Variants in GNAL observed in about 807,000 individuals in gnomAD.
The protein encoded by GNAL is G protein subunit alpha L.
A neutral mutation model predicts 55.1 loss-of-function variants in GNAL; 18 were observed. The ratio of observed to expected loss-of-function variants is 0.33; its 90% CI spans 0.23 to 0.48. The LOEUF (loss-of-function observed/expected upper bound fraction) is 0.48. GNAL is among the 20% of genes least tolerant of loss of function. GNAL has a pLI of 0.99. For synonymous variants in GNAL, 253 were observed against 237.0 expected, an observed-to-expected ratio of 1.07 and a Z score of -0.62; for missense variants, 412 against 614.1, an observed-to-expected ratio of 0.67 and a Z score of 3.48.
At position 11,787,676 on chromosome 18, in the gene GNAL, C is replaced by T. The variant is rs1480785758; in HGVS notation, c.624+33731C>T. ...GATCACGAGGTCAGGAGATCGAGAC[C>T]ATCCTGGCTAACACAGTGAAACCCC... On this transcript the variant is annotated intron_variant, in intron 4 of 11. Transcript: ENST00000334049. Among the ~76,000 whole-genome samples, 3 of 152,118 alleles carry T rather than the reference C, an allele frequency of 2.0e-5. No individual in the cohort carries two copies. The South Asian group carries it at 6.2e-4, about 32-fold the overall frequency.
At chr18:11,809,667 A>G (rs1428357964) in intron 4 of GNAL, among the ~76,000 whole-genome samples, 1 of 152,200 alleles carries the variant, frequency 6.6e-6, no homozygotes, top group East Asian at 1.9e-4. Flanking sequence ...CACAAGGCAA[A>G]GGTTGCAGTG....
chr18:11,851,789 C>T (rs952579364), intron 5 of GNAL: 2 of 1,613,848 alleles, frequency 1.2e-6, no homozygotes, highest in African/African-American at 1.3e-5. Flanking sequence ...AAGTCGATGG[C>T]TGGTGTGGTT....
In GNAL at chr18:11,885,014, C is replaced by G; in HGVS notation, c.*3879C>G. The stretch of plus-strand genomic sequence containing the variant: ...ACAAGGAGGGAAAGGTGTCTTCCTG[C>G]CCCTTGATGCTCAACTAAGCATCTG... On this transcript the variant is annotated 3_prime_UTR_variant, in exon 12 of 12. Transcript: ENST00000334049. The G allele has an allele frequency of 7.7e-7, 1 of 1,298,330 alleles. No homozygotes were observed. The highest frequency in any genetic ancestry group is 1.2e-5 in the South Asian group (1 of 80,792). The allele number at this position is 1,298,330 out of a possible 1,614,324, so 80.4% of individuals were successfully genotyped here. A position where few individuals can be genotyped will look rare whatever the true frequency, so the allele number is the denominator to read the frequency against.
chr18:11,866,604 G>A (rs764681020), intron 7 of GNAL, among the ~76,000 whole-genome samples: 1 of 150,392 alleles, frequency 6.6e-6, no homozygotes, highest in African/African-American at 2.5e-5. Flanking sequence ...GAAGCAGCTC[G>A]GGCTGGGCAG....
At chr18:11,852,395 G>A (rs2035896996) in intron 5 of GNAL, 3 of 382,340 alleles carry the variant, frequency 7.8e-6, no homozygotes, top group Middle Eastern at 7.9e-4. Flanking sequence ...CGAAGATCTG[G>A]TCAAAACTGT....
At chr18:11,769,100 TATA>T (rs1363939557) in intron 4 of GNAL, among the ~76,000 whole-genome samples, 5 of 91,428 alleles carry the variant, frequency 5.5e-5, no homozygotes, top group Middle Eastern at 5.1e-3. Flanking sequence ...TAATATATAT[TATA>T]ATATAGATTA....
chr18:11,860,178 T>A (rs899736342), intron 5 of GNAL, among the ~76,000 whole-genome samples: 6 of 152,158 alleles, frequency 3.9e-5, no homozygotes, highest in Non-Finnish European at 8.8e-5. Context: ...CTGTTTCCTA[T>A]CGCTATGAAA....
chr18:11,796,575 C>CAAAAAAAAAA (rs760136358), intron 4 of GNAL, among the ~76,000 whole-genome samples: 671 of 58,814 alleles, frequency 0.011, 43 homozygotes, highest in Middle Eastern at 0.029. Context: ...CTCCTTCTCA[C>CAAAAAAAAAA]AAAAAAAAAA....
chr18:11,865,128 T>C (rs1365820723), intron 7 of GNAL, among the ~76,000 whole-genome samples: 1 of 139,786 alleles, frequency 7.2e-6, no homozygotes, highest in Non-Finnish European at 1.5e-5. Flanking sequence ...AGCCCTGGCT[T>C]GTCTCCTGTC....
chr18:11,878,862 C>G (rs2036591972), intron 11 of GNAL, among the ~76,000 whole-genome samples: 1 of 151,938 alleles, frequency 6.6e-6, no homozygotes, highest in African/African-American at 2.4e-5. Flanking sequence ...GCCACTGCAC[C>G]CAGCCAAAAG....
chr18:11,885,544 T>C lies in GNAL; in HGVS notation c.*4409T>C. ...TTTGGCAAGGGGCAGTGTATGGAGC[T>C]ACGTGTAGAAGGAGAGAAATTTGTG... On this transcript the variant is annotated 3_prime_UTR_variant, in exon 12 of 12. Transcript: ENST00000334049. The C allele has an allele frequency of 9.4e-7, 1 of 1,067,662 alleles. No homozygotes were observed. Among genetic ancestry groups the C allele is most frequent in the South Asian group, 1.5e-5 (1 of 65,662 alleles). The allele number at this position is 1,067,662 out of a possible 1,614,324, so 66.1% of individuals were successfully genotyped here.
chr18:11,703,795 G>GTGCA (rs1555641028), intron 1 of GNAL, among the ~76,000 whole-genome samples: 4 of 141,496 alleles, frequency 2.8e-5, no homozygotes, highest in African/African-American at 1.1e-4. Context: ...GTGTTGATGG[G>GTGCA]CACACACACA....
At chr18:11,788,099 T>C (rs962680532) in intron 4 of GNAL, among the ~76,000 whole-genome samples, 8 of 152,122 alleles carry the variant, frequency 5.3e-5, no homozygotes, top group Admixed American at 5.2e-4. Context: ...GCCTTAGATA[T>C]CTTACACACC....
At chr18:11,870,022 G>A (rs1004241061) in intron 9 of GNAL, among the ~76,000 whole-genome samples, 3 of 152,272 alleles carry the variant, frequency 2.0e-5, no homozygotes, top group Admixed American at 2.0e-4. Context: ...CATCGTGTTA[G>A]GTATTTTAGG....
intron 1 of GNAL, among the ~76,000 whole-genome samples, chr18:11,708,720 T>C (rs2031770240): frequency 6.6e-6 from 1 of 152,178 alleles, no homozygotes; most frequent in Non-Finnish European, 1.5e-5. Flanking sequence ...CTTTATGTGG[T>C]TTACACATAT....
intron 5 of GNAL, among the ~76,000 whole-genome samples, chr18:11,839,387 TAAA>T (rs75127479): frequency 7.4e-6 from 1 of 134,944 alleles, no homozygotes; most frequent in Non-Finnish European, 1.6e-5. Flanking sequence ...CTACTAAAAG[TAAA>T]AAAAAAAAAA....
intron 4 of GNAL, 48 bp from the exon 5 acceptor site, chr18:11,824,870 G>C: frequency 2.0e-6 from 2 of 977,816 alleles, no homozygotes; most frequent in African/African-American, 1.7e-5. Flanking sequence ...CTTTTTAAAA[G>C]GTTATTACAC....
intron 4 of GNAL, among the ~76,000 whole-genome samples, chr18:11,789,367 C>T (rs2034165921): frequency 6.6e-6 from 1 of 152,184 alleles, no homozygotes; most frequent in African/African-American, 2.4e-5. Flanking sequence ...TTTGAAAATT[C>T]TAGCCCCAGC....
At position 11,826,149 on chromosome 18, in the gene GNAL, A is replaced by G. The variant is rs141346378; in HGVS notation, c.722+1134A>G. On this transcript the variant is annotated intron_variant, in intron 5 of 11. Coordinates refer to ENST00000334049, the MANE Select transcript of GNAL (RefSeq NM_182978.4). ...CCCAAGCTCCTGCTTACTAGGTTCT[A>G]CTTCCACTCACCATCCCCCATGGGA... is the stretch of plus-strand genomic sequence containing the variant. 1.4e-3 allele frequency among the ~76,000 whole-genome samples: 219 copies of G among 152,140 alleles called. 2 individuals carry two copies. The highest frequency in any genetic ancestry group is 4.9e-3 in the African/African-American group (203 of 41,472).
Sources: allele counts gnomAD v4.1 joint callset (sites outside exome capture counted in the v4.1 genomes callset), GRCh38; gene constraint gnomAD v4.1.1; transcripts MANE v1.5; gene names NCBI Gene and HGNC (gene_info 2026-07-23, HGNC 2026-07-21).